The following RFPL4B variants were observed in gnomAD, a reference collection of about 807,000 sequenced individuals.
RFPL4B encodes the protein ret finger protein like 4B.
For synonymous variants in RFPL4B, 118 were observed against 126.3 expected, an observed-to-expected ratio of 0.93 and a Z score of 0.44; for missense variants, 314 against 327.7, an observed-to-expected ratio of 0.96 and a Z score of 0.32.
At position 112,347,419 on chromosome 6, in the gene RFPL4B, C is replaced by T. The variant is rs1225016498; in HGVS notation, c.-235+12C>T. The T allele has an allele frequency of 6.6e-6, 1 of 152,198 alleles. No homozygotes were observed. The highest frequency in any genetic ancestry group is 1.5e-5 in the Non-Finnish European group (1 of 68,048). The allele number at this position is 152,198 out of a possible 1,614,324, so 9.4% of individuals were successfully genotyped here. ...GTCTCCAAGTCAAGGTAAGTTATAC[C>T]TTCTGTTTAAGCTATTTCCAATGTC... On this transcript the variant is annotated intron_variant, in intron 1 of 2. Transcript: ENST00000441065.
chr6:112,347,803 G>C (rs1789101368), intron 1 of RFPL4B, among the ~76,000 whole-genome samples: 2 of 152,150 alleles, frequency 1.3e-5, no homozygotes, highest in Non-Finnish European at 2.9e-5. Context: ...GTGAAACCCC[G>C]TCTCTACTAA....
rs559564736 is a variant in RFPL4B, at chr6:112,349,518, TTTA to T, written c.-105-77_-105-75del. ...TATTCTTAATTTCTTAGTTAATAAATTTATTATTATTTATTAAATAATATAATT... is the reference window on the plus strand; with the variant it reads ...TATTCTTAATTTCTTAGTTAATAAATTTATTATTTATTAAATAATATAATT... On this transcript the variant is annotated intron_variant, in intron 2 of 2. Transcript: ENST00000441065. The T allele has an allele frequency of 3.3e-3, 617 of 189,000 alleles. 3 individuals are homozygous for T. Among genetic ancestry groups the T allele is most frequent in the African/African-American group, 0.013 (560 of 42,510 alleles). 11.7% of individuals were successfully genotyped at this position (189,000 alleles called of 1,614,324 possible).
chr6:112,350,304 C>T lies in RFPL4B; in HGVS notation c.596C>T (p.Pro199Leu), dbSNP rs778380535. The part of the protein sequence containing the change: ...IHANTHLERI[P>L]ASPRLRRVGI... ...GCTAACACCCACCTGGAGAGAATTC[C>T]TGCAAGCCCTCGCCTTCGCCGTGTG... The change falls in exon 3 of 3, where the codon CCT becomes CTT. Residue 199 changes from proline to leucine, a missense_variant. Coordinates refer to ENST00000441065, the MANE Select transcript of RFPL4B (RefSeq NM_001013734.3). 3.7e-6 allele frequency: 6 copies of T among 1,614,250 alleles called. No individual in the cohort carries two copies. Among genetic ancestry groups the T allele is most frequent in the Non-Finnish European group, 4.2e-6 (5 of 1,180,038 alleles).
Position 112,350,808 on chromosome 6 carries a change from C to T in RFPL4B, c.*308C>T, listed in dbSNP as rs1339845906. The T allele has an allele frequency of 1.1e-5, 3 of 262,242 alleles. No individual in the cohort carries two copies. The highest frequency in any genetic ancestry group is 9.6e-5 in the Admixed American group (2 of 20,772). 16.2% of individuals were successfully genotyped at this position (262,242 alleles called of 1,614,324 possible). ...TGTGGTAATTAGAGACAATACTATG[C>T]CTTTGTCTTATAGTAAATAACAAAT... On this transcript the variant is annotated 3_prime_UTR_variant, in exon 3 of 3. Transcript: ENST00000441065.
At position 112,349,284 on chromosome 6, in the gene RFPL4B, G is replaced by A. The variant is rs1057031917; in HGVS notation, c.-143G>A. ...GCCCCCATTAGGAGAAACTTTGGCCGGAGCAGCCAACACATCACCTGGAAG... is the reference window on the plus strand; with the variant it reads ...GCCCCCATTAGGAGAAACTTTGGCCAGAGCAGCCAACACATCACCTGGAAG... On this transcript the variant is annotated 5_prime_UTR_variant, in exon 2 of 3. Coordinates refer to ENST00000441065, the MANE Select transcript of RFPL4B (RefSeq NM_001013734.3). 1.3e-5 allele frequency: 2 copies of A among 152,290 alleles called. No homozygotes were observed. The highest frequency in any genetic ancestry group is 4.8e-5 in the African/African-American group (2 of 41,420). The allele number at this position is 152,290 out of a possible 1,614,324, so 9.4% of individuals were successfully genotyped here. A position where few individuals can be genotyped will look rare whatever the true frequency, so the allele number is the denominator to read the frequency against.
rs931096428 is a variant in RFPL4B, at chr6:112,347,330, G to A, written c.-312G>A. On this transcript the variant is annotated 5_prime_UTR_variant, in exon 1 of 3. Transcript: ENST00000441065. Reference sequence around the variant, plus strand: ...GCTGGTGTCTCTCCGCGGAAACTCCGAGAGGAGCAGAGGTCTGTAGAGGTA... The same window carrying A: ...GCTGGTGTCTCTCCGCGGAAACTCCAAGAGGAGCAGAGGTCTGTAGAGGTA... The A allele has an allele frequency of 1.7e-4, 26 of 152,302 alleles. No homozygotes were observed. The highest frequency in any genetic ancestry group is 5.8e-4 in the African/African-American group (24 of 41,566). The allele number at this position is 152,302 out of a possible 1,614,324, so 9.4% of individuals were successfully genotyped here.
chr6:112,348,766 C>T (rs1789114007), intron 1 of RFPL4B, among the ~76,000 whole-genome samples: 1 of 152,184 alleles, frequency 6.6e-6, no homozygotes, highest in Non-Finnish European at 1.5e-5. Flanking sequence ...TCAGAGACAG[C>T]TCACTCAAAG....
In RFPL4B at chr6:112,349,997, G is replaced by A; in HGVS notation, c.289G>A (p.Val97Met). 1.9e-6 allele frequency: 3 copies of A among 1,614,226 alleles called. No individual in the cohort carries two copies. The highest frequency in any genetic ancestry group is 2.5e-6 in the Non-Finnish European group (3 of 1,180,032). ...REELRHFRED[V>M]TLDAATASSL... ...GGAGCTCCGGCATTTTCGGGAGGAT[G>A]TGACCCTGGATGCAGCCACTGCCAG... Residue 97 changes from valine to methionine, a missense_variant, in exon 3 of 3, where the codon GTG becomes ATG. Val to Met is a conservative substitution (Grantham distance 21, BLOSUM62 1). Transcript: ENST00000441065.
chr6:112,348,883 G>T (rs1443862399), intron 1 of RFPL4B, among the ~76,000 whole-genome samples: 1 of 152,098 alleles, frequency 6.6e-6, no homozygotes, highest in Non-Finnish European at 1.5e-5. Flanking sequence ...CATCTTTTTG[G>T]TTTGTATTCA....
chr6:112,350,505 G>C lies in RFPL4B; in HGVS notation c.*5G>C. 1 of 1,564,848 alleles carries C rather than the reference G, an allele frequency of 6.4e-7. No individual in the cohort carries two copies. The highest frequency in any genetic ancestry group is 8.7e-7 in the Non-Finnish European group (1 of 1,155,562). On this transcript the variant is annotated 3_prime_UTR_variant, in exon 3 of 3. Transcript: ENST00000441065. The stretch of plus-strand genomic sequence containing the variant: ...GTCCTGACCATCTGCCCATGAGAAA[G>C]TCAGCCCTTCCTAGAAGCTTTCTGA...
chr6:112,348,269 G>T (rs1243913274), intron 1 of RFPL4B, among the ~76,000 whole-genome samples: 1 of 152,142 alleles, frequency 6.6e-6, no homozygotes, highest in Non-Finnish European at 1.5e-5. Context: ...TAAGAAAGAG[G>T]TAATCTCTGG....
rs1789135738 is a variant in RFPL4B, at chr6:112,350,203, G to A, written c.495G>A (p.Glu165=). Residue 165 remains glutamate, a synonymous_variant, in exon 3 of 3, where the codon GAG becomes GAA. Coordinates refer to ENST00000441065, the MANE Select transcript of RFPL4B (RefSeq NM_001013734.3). ...VKSWSLGVCK[E]PADRKSNDLF... Reference sequence around the variant, plus strand: ...CATGGTCCCTGGGCGTCTGCAAGGAGCCGGCTGACAGAAAGAGCAATGATT... The same window carrying A: ...CATGGTCCCTGGGCGTCTGCAAGGAACCGGCTGACAGAAAGAGCAATGATT... 6 of 1,614,208 alleles carry A rather than the reference G, an allele frequency of 3.7e-6. No individual in the cohort carries two copies. Among genetic ancestry groups the A allele is most frequent in the Non-Finnish European group, 5.1e-6 (6 of 1,180,036 alleles).
intron 2 of RFPL4B, 53 bp from the exon 3 acceptor site, chr6:112,349,551 T>A (rs1789123173): frequency 3.6e-6 from 1 of 279,986 alleles, no homozygotes; most frequent in African/African-American, 2.2e-5. Flanking sequence ...ATAATTCATT[T>A]ATGTATGCCA....
At chr6:112,348,520 C>T (rs550481861) in intron 1 of RFPL4B, among the ~76,000 whole-genome samples, 1 of 152,248 alleles carries the variant, frequency 6.6e-6, no homozygotes, top group South Asian at 2.1e-4. Flanking sequence ...TCATCACTTC[C>T]TCTCTCTGGT....
At position 112,350,847 on chromosome 6, in the gene RFPL4B, A is replaced by T. The variant is rs554115621; in HGVS notation, c.*347A>T. On this transcript the variant is annotated 3_prime_UTR_variant, in exon 3 of 3. Coordinates refer to ENST00000441065, the MANE Select transcript of RFPL4B (RefSeq NM_001013734.3). ...TAAATAACAAATAGAGAAATCTTAG[A>T]TTGTAAGTAAGCTAGATATTAGGTT... 7.6e-4 allele frequency: 149 copies of T among 194,906 alleles called. No individual in the cohort carries two copies. Among genetic ancestry groups the T allele is most frequent in the Admixed American group, 1.4e-3 (24 of 17,654 alleles). The allele number at this position is 194,906 out of a possible 1,614,324, so 12.1% of individuals were successfully genotyped here. A position where few individuals can be genotyped will look rare whatever the true frequency, so the allele number is the denominator to read the frequency against.
At position 112,347,360 on chromosome 6, in the gene RFPL4B, C is replaced by G. The variant is rs1376229980; in HGVS notation, c.-282C>G. 1.3e-5 allele frequency: 2 copies of G among 152,170 alleles called. No individual in the cohort carries two copies. The highest frequency in any genetic ancestry group is 2.9e-5 in the Non-Finnish European group (2 of 68,034). The allele number at this position is 152,170 out of a possible 1,614,324, so 9.4% of individuals were successfully genotyped here. On this transcript the variant is annotated 5_prime_UTR_variant, in exon 1 of 3. Coordinates refer to ENST00000441065, the MANE Select transcript of RFPL4B (RefSeq NM_001013734.3). ...GAGCAGAGGTCTGTAGAGGTAGAGA[C>G]GTAGGCTTCGGATCTTTTAGAATTC...
chr6:112,350,021 A>G lies in RFPL4B; in HGVS notation c.313A>G (p.Ser105Gly), dbSNP rs765982170. The G allele has an allele frequency of 6.2e-7, 1 of 1,614,218 alleles. No individual in the cohort carries two copies. Among genetic ancestry groups the G allele is most frequent in the Non-Finnish European group, 8.5e-7 (1 of 1,180,044 alleles). Reference protein sequence around the residue: ...EDVTLDAATASSLLVFSNDLR... With the variant: ...EDVTLDAATAGSLLVFSNDLR... ...TGTGACCCTGGATGCAGCCACTGCC[A>G]GCTCCCTCCTTGTCTTCTCCAATGA... The change falls in exon 3 of 3, where the codon AGC becomes GGC. Residue 105 changes from serine (S) to glycine (G), a missense_variant. Ser to Gly is a moderately conservative substitution (Grantham distance 56). Coordinates refer to ENST00000441065, the MANE Select transcript of RFPL4B (RefSeq NM_001013734.3).
chr6:112,348,542 T>C (rs1038784054), intron 1 of RFPL4B, among the ~76,000 whole-genome samples: 3 of 152,244 alleles, frequency 2.0e-5, no homozygotes, highest in African/African-American at 7.2e-5. Flanking sequence ...ATGTTGATGC[T>C]GCTCCTCTTT....
chr6:112,349,638 C>T lies in RFPL4B; in HGVS notation c.-71C>T. The T allele has an allele frequency of 3.0e-6, 4 of 1,334,460 alleles. No individual in the cohort carries two copies. The highest frequency in any genetic ancestry group is 3.2e-6 in the Non-Finnish European group (3 of 948,986). The allele number at this position is 1,334,460 out of a possible 1,614,324, so 82.7% of individuals were successfully genotyped here. On this transcript the variant is annotated 5_prime_UTR_variant, in exon 3 of 3. Transcript: ENST00000441065. ...GAGTGGATTGTGTACTGAGGGCTCC[C>T]AAGTGCTTCCAGAAGCCAATAAAGG...
Sources: gnomAD v4.1 joint callset for allele counts (sites outside exome capture counted in the v4.1 genomes callset) on GRCh38, gnomAD v4.1.1 for gene constraint, MANE v1.5 for transcripts, NCBI Gene and HGNC (gene_info 2026-07-23, HGNC 2026-07-21) for gene names.